LAMB4: variants seen among roughly 807,000 people sequenced by gnomAD.
LAMB4 encodes laminin subunit beta 4.
Under a neutral mutation model 199.2 loss-of-function variants are expected in LAMB4, and 196 were observed. The observed-to-expected ratio is 0.98, with a 90% CI of 0.88 to 1.11. LAMB4 has a LOEUF of 1.11. Among genes scored for constraint, LAMB4 ranks in the 50% least tolerant of loss-of-function variants. LAMB4 has a pLI of 0.00. For synonymous variants in LAMB4, 744 were observed against 770.6 expected (o/e 0.97, Z 0.57); for missense variants, 2,080 against 2,171.2 (o/e 0.96, Z 0.83).
In LAMB4 at chr7:108,078,276, G is replaced by A; in HGVS notation, c.1928C>T (p.Pro643Leu). 1.2e-6 allele frequency: 2 copies of A among 1,609,348 alleles called. No individual in the cohort carries two copies. Among genetic ancestry groups the A allele is most frequent in the Non-Finnish European group, 1.7e-6 (2 of 1,177,538 alleles). The change falls in exon 16 of 34, where the codon CCT (proline) becomes CTT (leucine). Residue 643 changes from proline (P) to leucine (L), a missense_variant. By Grantham distance (98) the Pro-to-Leu change is moderately conservative. Transcript: ENST00000388781. ...DWTVQIVVNP[P>L]GGSEHCIPKT... Reference sequence around the variant, plus strand: ...GGGTATGCAGTGCTCACTCCCTCCAGGGGGGTTCACCACAATCTGGACAGT... The same window carrying A: ...GGGTATGCAGTGCTCACTCCCTCCAAGGGGGTTCACCACAATCTGGACAGT...
At chr7:108,025,509 A>G (rs958197939) in intron 33 of LAMB4, among the ~76,000 whole-genome samples, 3 of 149,344 alleles carry the variant, frequency 2.0e-5, no homozygotes, top group Non-Finnish European at 4.4e-5. Context: ...GCTCACTGCA[A>G]CCTCCGCCTC....
intron 1 of LAMB4, among the ~76,000 whole-genome samples, chr7:108,129,221 G>A (rs2038897222): frequency 6.6e-6 from 1 of 152,196 alleles, no homozygotes; most frequent in African/African-American, 2.4e-5. Flanking sequence ...AGAACCACAG[G>A]TGCATCGTGT....
intron 14 of LAMB4, among the ~76,000 whole-genome samples, chr7:108,084,003 C>T (rs542981629): frequency 3.1e-4 from 47 of 152,262 alleles, no homozygotes; most frequent in East Asian, 1.7e-3. Flanking sequence ...CATGGGGACA[C>T]GAGGAATATG....
intron 14 of LAMB4, among the ~76,000 whole-genome samples, chr7:108,089,120 A>C (rs367538): frequency 1.3e-5 from 2 of 151,640 alleles, no homozygotes; most frequent in African/African-American, 4.9e-5. Flanking sequence ...TTATAGCAGT[A>C]CTCCTGTCTA....
chr7:108,048,021 C>T lies in LAMB4; in HGVS notation c.4213G>A (p.Gly1405Ser), dbSNP rs766166812. 1.1e-5 allele frequency: 18 copies of T among 1,614,218 alleles called. No individual in the cohort carries two copies. The Admixed American group carries it at 3.0e-4, about 27-fold the overall frequency. ...TGRKGHRKCRGPGCHGSLTLS... is the reference protein window; with the variant it reads ...TGRKGHRKCRSPGCHGSLTLS... ...GTCAGGGAGCCGTGACAGCCGGGAC[C>T]CCTACACTTCCTGTGCCCCTTCCGG... is the stretch of plus-strand genomic sequence containing the variant. The change falls in exon 28 of 34, where the codon GGT (glycine) becomes AGT (serine). Residue 1405 changes from glycine (G) to serine (S), a missense_variant. By Grantham distance (56) the Gly-to-Ser change is moderately conservative. Coordinates refer to ENST00000388781, the MANE Select transcript of LAMB4 (RefSeq NM_007356.3).
rs56250250 is a variant in LAMB4 at position 108,071,347 on chromosome 7, A to G, written c.2125-1462T>C. 3.1e-3 allele frequency among the ~76,000 whole-genome samples: 382 copies of G among 124,796 alleles called. 2 individuals are homozygous for G. Among genetic ancestry groups the G allele is most frequent in the African/African-American group, 0.012 (363 of 30,224 alleles). The allele number at this position is 124,796 out of a possible 152,430, so 81.9% of individuals were successfully genotyped here. A position where few individuals can be genotyped will look rare whatever the true frequency, so the allele number is the denominator to read the frequency against. ...AGTTCCTCAGGGTTCTCTCATCAGC[A>G]CCCCCCTAACTCCACACCTACTTCC... On this transcript the variant is annotated intron_variant, in intron 17 of 33. Transcript: ENST00000388781.
intron 29 of LAMB4, among the ~76,000 whole-genome samples, chr7:108,038,866 G>C (rs1156338468): frequency 6.6e-6 from 1 of 152,196 alleles, no homozygotes; most frequent in Non-Finnish European, 1.5e-5. Flanking sequence ...ACTAGACAAG[G>C]ATCTTATCCT....
At chr7:108,016,296 T>G in the LAMB4 span, among the ~76,000 whole-genome samples, 4 of 145,842 alleles carry the variant, frequency 2.7e-5, no homozygotes, top group Non-Finnish European at 4.5e-5. Flanking sequence ...TTTTTTTTTT[T>G]TTTTTGAGAT....
At chr7:108,039,542 C>G (rs945332440) in intron 29 of LAMB4, among the ~76,000 whole-genome samples, 1 of 149,074 alleles carries the variant, frequency 6.7e-6, no homozygotes, top group African/African-American at 2.5e-5. Context: ...GATCTCGGCT[C>G]ACTGCAACCT....
chr7:108,111,765 T>G (rs1387530063), intron 4 of LAMB4, 46 bp downstream of exon 4: 1 of 1,540,634 alleles, frequency 6.5e-7, no homozygotes, highest in Admixed American at 1.7e-5. Context: ...GATGTCATAT[T>G]AAAATATTGA....
In LAMB4 at chr7:108,068,079, C is replaced by T; in HGVS notation, c.2383G>A (p.Val795Ile). The T allele has an allele frequency of 1.2e-6, 2 of 1,614,182 alleles. No homozygotes were observed. The highest frequency in any genetic ancestry group is 1.7e-6 in the Non-Finnish European group (2 of 1,180,032). ...GAGCACCTGTCACAGCAGCGCCCGA[C>T]CACAAGAGGTTTACACTGGCACTGG... ...GGQCQCKPLV[V>I]GRCCDRCSTG... Residue 795 changes from valine (V) to isoleucine (I), a missense_variant, in exon 19 of 34, where the codon GTC (valine) becomes ATC (isoleucine). Transcript: ENST00000388781.
chr7:108,092,110 T>C (rs1410399233), intron 13 of LAMB4, among the ~76,000 whole-genome samples: 2 of 152,088 alleles, frequency 1.3e-5, no homozygotes, highest in Non-Finnish European at 2.9e-5. Flanking sequence ...GTCACACGTA[T>C]TCAAGCACCC....
At chr7:108,083,602 G>C (rs416811) in intron 14 of LAMB4, among the ~76,000 whole-genome samples, 44,765 of 152,148 alleles carry the variant, frequency 0.29, 7,885 homozygotes, top group East Asian at 0.44. Flanking sequence ...CAGTGGAATG[G>C]GGCCCCTTAA....
chr7:108,085,904 C>T (rs533380984), intron 14 of LAMB4, among the ~76,000 whole-genome samples: 7 of 152,194 alleles, frequency 4.6e-5, no homozygotes, highest in African/African-American at 1.4e-4. Context: ...TGAGCCACTG[C>T]GCCCGGCCCT....
At chr7:108,100,905 C>T (rs1051062156) in intron 10 of LAMB4, among the ~76,000 whole-genome samples, 2 of 152,080 alleles carry the variant, frequency 1.3e-5, no homozygotes, top group Admixed American at 6.5e-5. Flanking sequence ...GAACAGGTCA[C>T]GTAAGGTAAA....
chr7:108,034,385 A>G (rs889764485), intron 30 of LAMB4, 39 bp from the exon 31 acceptor site: 34 of 1,468,830 alleles, frequency 2.3e-5, no homozygotes, highest in Non-Finnish European at 2.8e-5. Context: ...AGATAAATAC[A>G]CAATTATTCA....
intron 33 of LAMB4, among the ~76,000 whole-genome samples, 158 bp downstream of exon 33, chr7:108,028,885 C>A (rs1337718786): frequency 2.0e-5 from 3 of 152,216 alleles, no homozygotes; most frequent in Non-Finnish European, 4.4e-5. Flanking sequence ...GGCTTGTTAA[C>A]TTCACAGTCC....
chr7:108,090,770 T>C (rs1390082483), intron 14 of LAMB4, among the ~76,000 whole-genome samples: 4 of 152,186 alleles, frequency 2.6e-5, no homozygotes, highest in African/African-American at 9.7e-5. Flanking sequence ...ATCATAAAGA[T>C]TCAATATTCA....
In LAMB4 at chr7:108,082,938, A is replaced by C. The variant is rs534226974; in HGVS notation, c.1702-3152T>G. ...TGGCAGACGGAAGTCAATTACCACA[A>C]ATTTAACCGTGGTATAGTCCCACTT... On this transcript the variant is annotated intron_variant, in intron 14 of 33. Coordinates refer to ENST00000388781, the MANE Select transcript of LAMB4 (RefSeq NM_007356.3). Among the ~76,000 whole-genome samples, 4 of 152,268 alleles carry C rather than the reference A, an allele frequency of 2.6e-5. No individual in the cohort carries two copies. The South Asian group carries it at 8.3e-4, about 32-fold the overall frequency.
Sources: gnomAD v4.1 joint callset for allele counts (sites outside exome capture counted in the v4.1 genomes callset) on GRCh38, gnomAD v4.1.1 for gene constraint, MANE v1.5 for transcripts, NCBI Gene and HGNC (gene_info 2026-07-23, HGNC 2026-07-21) for gene names.